Variants in SRRM4 observed in about 807,000 individuals in gnomAD.
The protein encoded by SRRM4 is serine/arginine repetitive matrix 4.
Under a neutral mutation model 68.9 loss-of-function variants are expected in SRRM4, and 33 were observed. The ratio of observed to expected loss-of-function variants is 0.48; its 90% CI spans 0.36 to 0.64. The LOEUF is 0.64. SRRM4 is among the 30% of genes least tolerant of loss of function. SRRM4 has a pLI of 0.00. For synonymous variants in SRRM4, 318 were observed against 318.8 expected (o/e 1.00, Z 0.03); for missense variants, 817 against 827.1 (o/e 0.99, Z 0.15).
chr12:119,012,260 G>A (rs937074297), intron 1 of SRRM4, among the ~76,000 whole-genome samples: 3 of 152,180 alleles, frequency 2.0e-5, no homozygotes, highest in Non-Finnish European at 2.9e-5. Context: ...ACTTCCTTAA[G>A]ATAGAGATGA....
At chr12:119,108,076 A>G (rs1402924214) in intron 2 of SRRM4, among the ~76,000 whole-genome samples, 1 of 152,184 alleles carries the variant, frequency 6.6e-6, no homozygotes, top group Non-Finnish European at 1.5e-5. Flanking sequence ...TTATGTACCC[A>G]GTAGTCATTC....
At chr12:119,027,253 C>G (rs1953554671) in intron 1 of SRRM4, among the ~76,000 whole-genome samples, 1 of 152,226 alleles carries the variant, frequency 6.6e-6, no homozygotes, top group Admixed American at 6.5e-5. Flanking sequence ...CTGTATTTCT[C>G]TATGGTTTGC....
At chr12:119,123,185 C>A (rs79730559) in intron 6 of SRRM4, among the ~76,000 whole-genome samples, 1 of 152,162 alleles carries the variant, frequency 6.6e-6, no homozygotes, top group Admixed American at 6.5e-5. Context: ...GGGTGCCCAG[C>A]TTTGCTGCCC....
intron 8 of SRRM4, among the ~76,000 whole-genome samples, chr12:119,139,876 T>G (rs1252203569): frequency 6.6e-6 from 1 of 152,194 alleles, no homozygotes; most frequent in Non-Finnish European, 1.5e-5. Context: ...GCACCTTTTT[T>G]TTTCATTTAA....
intron 1 of SRRM4, among the ~76,000 whole-genome samples, chr12:119,099,585 G>A (rs954630541): frequency 2.6e-5 from 4 of 152,304 alleles, no homozygotes; most frequent in South Asian, 2.1e-4. Flanking sequence ...ACAACAAACA[G>A]TTATTATGGT....
At chr12:119,103,951 C>T (rs970283086) in intron 2 of SRRM4, among the ~76,000 whole-genome samples, 6 of 152,108 alleles carry the variant, frequency 3.9e-5, no homozygotes, top group African/African-American at 1.4e-4. Flanking sequence ...TGCAGTGAGC[C>T]GAGATCGCAC....
rs55907957 is a variant in SRRM4 at position 119,160,289 on chromosome 12, GTCTCTCTCTCTCTCTCTCTC to G, written c.*3506_*3525del. Reference sequence around the variant, plus strand: ...TGTCTCTCTCTCTGTCTCTCTCTCTGTCTCTCTCTCTCTCTCTCTCTCTCTCTCTCTCTCAGTGTATTTCT... The same window carrying G: ...TGTCTCTCTCTCTGTCTCTCTCTCTGTCTCTCTCTCTCTCAGTGTATTTCT... On this transcript the variant is annotated 3_prime_UTR_variant, in exon 13 of 13. Coordinates refer to ENST00000267260, the MANE Select transcript of SRRM4 (RefSeq NM_194286.4). The G allele has an allele frequency of 7.0e-6, 1 of 143,160 alleles. No homozygotes were observed. The highest frequency in any genetic ancestry group is 2.1e-4 in the East Asian group (1 of 4,772). The allele number at this position is 143,160 out of a possible 1,614,324, so 8.9% of individuals were successfully genotyped here.
At chr12:119,073,406 C>A (rs1171896608) in intron 1 of SRRM4, among the ~76,000 whole-genome samples, 1 of 150,588 alleles carries the variant, frequency 6.6e-6, no homozygotes, top group African/African-American at 2.4e-5. Context: ...TGGCTCACTG[C>A]AACCTCCACC....
chr12:119,117,737 C>T (rs1399203198), intron 4 of SRRM4, among the ~76,000 whole-genome samples: 1 of 152,094 alleles, frequency 6.6e-6, no homozygotes, highest in African/African-American at 2.4e-5. Context: ...CATGGTGAAA[C>T]CCAGTCTCTA....
At chr12:119,152,377 G>C (rs1954445511) in intron 10 of SRRM4, among the ~76,000 whole-genome samples, 1 of 152,130 alleles carries the variant, frequency 6.6e-6, no homozygotes, top group Non-Finnish European at 1.5e-5. Flanking sequence ...ATTAAGTCAG[G>C]AGACAGTCCC....
At chr12:119,123,865 G>T (rs1954239879) in intron 6 of SRRM4, among the ~76,000 whole-genome samples, 1 of 152,236 alleles carries the variant, frequency 6.6e-6, no homozygotes, top group South Asian at 2.1e-4. Flanking sequence ...GCCTTGAAGA[G>T]CTCACAGGAG....
intron 1 of SRRM4, among the ~76,000 whole-genome samples, chr12:119,019,896 A>G (rs901378081): frequency 1.3e-5 from 2 of 150,470 alleles, no homozygotes; most frequent in African/African-American, 2.4e-5. Context: ...TGAAGCCTTC[A>G]TGGGAACTTA....
At chr12:119,111,041 G>T (rs73213739) in intron 2 of SRRM4, among the ~76,000 whole-genome samples, 11,742 of 152,206 alleles carry the variant, frequency 0.077, 504 homozygotes, top group Admixed American at 0.1. Flanking sequence ...GTTAACCTCT[G>T]CTACTTCCCC....
chr12:119,135,168 G>C (rs1349714643), intron 8 of SRRM4, among the ~76,000 whole-genome samples: 4 of 152,162 alleles, frequency 2.6e-5, no homozygotes, highest in Admixed American at 2.6e-4. Flanking sequence ...GGCATGGAGG[G>C]TGGGCTGGAT....
At chr12:119,117,615 C>CACACACACACAT (rs71069490) in intron 4 of SRRM4, among the ~76,000 whole-genome samples, 1 of 151,900 alleles carries the variant, frequency 6.6e-6, no homozygotes. Flanking sequence ...CACACACACA[C>CACACACACACAT]GTGTATGTTT....
chr12:119,025,379 C>T (rs967660508), intron 1 of SRRM4, among the ~76,000 whole-genome samples: 6 of 151,464 alleles, frequency 4.0e-5, no homozygotes, highest in African/African-American at 1.2e-4. Flanking sequence ...GTTTGTTAAT[C>T]CAGGCCTGCT....
At chr12:119,071,387 G>A (rs901696110) in intron 1 of SRRM4, among the ~76,000 whole-genome samples, 1 of 152,180 alleles carries the variant, frequency 6.6e-6, no homozygotes, top group Non-Finnish European at 1.5e-5. Flanking sequence ...TACCCTCTCT[G>A]AGCCCCAATA....
intron 1 of SRRM4, among the ~76,000 whole-genome samples, chr12:119,095,638 C>G (rs1449183126): frequency 1.3e-5 from 2 of 152,182 alleles, no homozygotes; most frequent in Non-Finnish European, 2.9e-5. Context: ...ATCTCCTGGC[C>G]AACTGCCATT....
At chr12:119,012,269 G>A (rs1953454266) in intron 1 of SRRM4, among the ~76,000 whole-genome samples, 1 of 152,180 alleles carries the variant, frequency 6.6e-6, no homozygotes, top group Non-Finnish European at 1.5e-5. Flanking sequence ...AGATAGAGAT[G>A]AATGAGTCCT....
Sources: gnomAD v4.1 joint callset for allele counts (sites outside exome capture counted in the v4.1 genomes callset) on GRCh38, gnomAD v4.1.1 for gene constraint, MANE v1.5 for transcripts, NCBI Gene and HGNC (gene_info 2026-07-23, HGNC 2026-07-21) for gene names.